The following SEMA3D variants were observed in gnomAD, a reference collection of about 807,000 sequenced individuals.
The protein encoded by SEMA3D is semaphorin-3D.
SEMA3D carries 84 observed loss-of-function variants against 100.1 expected under a neutral mutation model. The ratio of observed to expected loss-of-function variants is 0.84; its 90% CI spans 0.70 to 1.01. The LOEUF is 1.01. SEMA3D is among the 50% of genes least tolerant of loss of function. The pLI is 0.00. For synonymous variants in SEMA3D, 312 were observed against 320.7 expected (o/e 0.97, Z 0.29); for missense variants, 875 against 934.1 (o/e 0.94, Z 0.82).
At chr7:85,012,518 A>C (rs985168200) in intron 17 of SEMA3D, among the ~76,000 whole-genome samples, 2 of 151,814 alleles carry the variant, frequency 1.3e-5, no homozygotes, top group African/African-American at 4.8e-5. Context: ...AGGATGGATA[A>C]GGTAGTAAAA....
chr7:85,236,299 T>TTATG, the SEMA3D span, among the ~76,000 whole-genome samples: 22 of 148,940 alleles, frequency 1.5e-4, no homozygotes, highest in South Asian at 6.3e-4. Context: ...ATTTATTTAT[T>TTATG]TATTTATTTA....
chr7:85,114,238 G>A (rs1789174742), intron 3 of SEMA3D, among the ~76,000 whole-genome samples: 1 of 152,098 alleles, frequency 6.6e-6, no homozygotes, highest in South Asian at 2.1e-4. Flanking sequence ...TTAAAATTCA[G>A]GAAAAGAGTT....
At chr7:85,240,796 C>A in the SEMA3D span, among the ~76,000 whole-genome samples, 1 of 152,084 alleles carries the variant, frequency 6.6e-6, no homozygotes, top group African/African-American at 2.4e-5. Context: ...TCATAGCATC[C>A]CTTTATTATC....
intron 5 of SEMA3D, among the ~76,000 whole-genome samples, chr7:85,077,384 G>A (rs1165681528): frequency 2.0e-5 from 3 of 151,802 alleles, no homozygotes; most frequent in African/African-American, 7.3e-5. Context: ...GTATTATACT[G>A]TATGTATACT....
At chr7:85,065,090 AT>A (rs942845682) in intron 8 of SEMA3D, among the ~76,000 whole-genome samples, 3 of 152,298 alleles carry the variant, frequency 2.0e-5, no homozygotes, top group African/African-American at 7.2e-5. Context: ...TGACCAAATT[AT>A]TTCTCTGTAC....
intron 5 of SEMA3D, among the ~76,000 whole-genome samples, chr7:85,076,286 G>A (rs1791919344): frequency 6.6e-6 from 1 of 152,132 alleles, no homozygotes; most frequent in Non-Finnish European, 1.5e-5. Flanking sequence ...AAGAGAGAAA[G>A]AACCAAAGCA....
chr7:85,039,711 G>T (rs1013770855), intron 11 of SEMA3D, among the ~76,000 whole-genome samples: 2 of 152,076 alleles, frequency 1.3e-5, no homozygotes, highest in Non-Finnish European at 2.9e-5. Context: ...GCTCCTCTTT[G>T]AGCAAGTGAT....
At chr7:85,116,290 CA>C (rs1789240405) in intron 3 of SEMA3D, among the ~76,000 whole-genome samples, 1 of 143,294 alleles carries the variant, frequency 7.0e-6, no homozygotes, top group African/African-American at 2.6e-5. Flanking sequence ...TATACATATA[CA>C]ATTTATATAT....
chr7:85,194,462 A>G, the SEMA3D span, among the ~76,000 whole-genome samples: 1 of 151,202 alleles, frequency 6.6e-6, no homozygotes, highest in South Asian at 2.1e-4. Flanking sequence ...ATAAAATTTT[A>G]TGTGTTTTTT....
intron 1 of SEMA3D, among the ~76,000 whole-genome samples, chr7:85,157,440 C>T (rs1414382332): frequency 6.6e-6 from 1 of 151,990 alleles, no homozygotes; most frequent in Non-Finnish European, 1.5e-5. Context: ...TATGCTTAAC[C>T]AGCTCCCCAT....
At chr7:85,191,460 GT>G (rs1368665211), upstream of SEMA3D, among the ~76,000 whole-genome samples, 1 of 152,112 alleles carries the variant, frequency 6.6e-6, no homozygotes, top group Admixed American at 6.5e-5. Flanking sequence ...CTTACAGCAT[GT>G]TTTAGATACA....
the SEMA3D span, among the ~76,000 whole-genome samples, chr7:85,230,035 A>G: frequency 1.3e-5 from 2 of 152,208 alleles, no homozygotes; most frequent in Admixed American, 1.3e-4. Context: ...ATTAGAATGA[A>G]TATTTTGTGC....
chr7:85,207,754 T>C, the SEMA3D span, among the ~76,000 whole-genome samples: 1 of 152,156 alleles, frequency 6.6e-6, no homozygotes, highest in South Asian at 2.1e-4. Flanking sequence ...TTCATGAAAA[T>C]ATTCACAAAG....
chr7:85,166,063 ATAAACAGGTT>A (rs970551335), intron 1 of SEMA3D, among the ~76,000 whole-genome samples: 3 of 152,076 alleles, frequency 2.0e-5, no homozygotes, highest in African/African-American at 7.2e-5. Flanking sequence ...GGTTAATGGC[ATAAACAGGTT>A]TAATAATCAT....
At chr7:85,229,825 C>T in the SEMA3D span, among the ~76,000 whole-genome samples, 1 of 152,114 alleles carries the variant, frequency 6.6e-6, no homozygotes, top group Admixed American at 6.6e-5. Flanking sequence ...TCTGTCTCAA[C>T]TACCCACTTT....
chr7:85,106,451 A>G (rs1442941056), intron 3 of SEMA3D, among the ~76,000 whole-genome samples: 1 of 152,144 alleles, frequency 6.6e-6, no homozygotes, highest in Non-Finnish European at 1.5e-5. Flanking sequence ...TAAGATCACT[A>G]TAAATTAAGG....
At chr7:85,114,402 T>C (rs1789179195) in intron 3 of SEMA3D, among the ~76,000 whole-genome samples, 1 of 152,144 alleles carries the variant, frequency 6.6e-6, no homozygotes. Context: ...AAATGAAGAC[T>C]CTGCATTCTT....
chr7:85,069,036 T>C (rs905070077), intron 6 of SEMA3D, among the ~76,000 whole-genome samples: 1 of 152,120 alleles, frequency 6.6e-6, no homozygotes, highest in Non-Finnish European at 1.5e-5. Context: ...TATGGCCCCA[T>C]GAGATTGAGT....
chr7:85,248,352 G>A, the SEMA3D span, among the ~76,000 whole-genome samples: 2 of 152,242 alleles, frequency 1.3e-5, no homozygotes, highest in African/African-American at 2.4e-5. Flanking sequence ...TGGAGTAACT[G>A]TCACACTCAT....
Sources: gnomAD v4.1 joint callset for allele counts (sites outside exome capture counted in the v4.1 genomes callset) on GRCh38, gnomAD v4.1.1 for gene constraint, MANE v1.5 for transcripts, NCBI Gene and HGNC (gene_info 2026-07-23, HGNC 2026-07-21) for gene names.